Variants in FCHO1 observed in about 807,000 individuals in gnomAD.
FCHO1 encodes the protein F-BAR domain only protein 1.
In FCHO1, 45 loss-of-function variants were observed where a neutral mutation model predicts 114.4. The observed-to-expected ratio is 0.39, with a 90% CI of 0.31 to 0.50. The LOEUF is 0.50. FCHO1 is among the 20% of genes least tolerant of loss of function. The pLI is 0.77. For missense variants in FCHO1, 1,042 were observed against 1,209.6 expected (o/e 0.86, Z 2.06); for synonymous variants, 480 against 488.9 (o/e 0.98, Z 0.24).
chr19:17,769,580 AACAC>A (rs71162199), intron 7 of FCHO1, among the ~76,000 whole-genome samples: 6,048 of 143,900 alleles, frequency 0.042, 241 homozygotes, highest in East Asian at 0.25. Flanking sequence ...CTTCGTCTCA[AACAC>A]ACACACACAC....
At chr19:17,759,423 A>G (rs1347957011) in intron 4 of FCHO1, among the ~76,000 whole-genome samples, 2 of 150,394 alleles carry the variant, frequency 1.3e-5, no homozygotes, top group East Asian at 4.0e-4. Context: ...GGGTTTCACC[A>G]TGTTGGCCAG....
intron 10 of FCHO1, 42 bp downstream of exon 10, chr19:17,772,597 T>TG: frequency 6.2e-7 from 1 of 1,613,492 alleles, no homozygotes; most frequent in Non-Finnish European, 8.5e-7. Context: ...GGGTCACTGC[T>TG]GGGCAAAGGG....
At chr19:17,758,755 T>C (rs1031507186) in intron 4 of FCHO1, 2 of 152,208 alleles carry the variant, frequency 1.3e-5, no homozygotes, top group African/African-American at 4.8e-5. Context: ...GGAGGATTGC[T>C]TGAGTCCAGG....
At chr19:17,787,544 C>A in intron 27 of FCHO1, 138 bp from the exon 28 acceptor site, 3 of 942,122 alleles carry the variant, frequency 3.2e-6, no homozygotes, top group Non-Finnish European at 4.6e-6. Context: ...GAGACAGATG[C>A]AGGGGATCAA....
At position 17,778,638 on chromosome 19, in the gene FCHO1, C is replaced by T; in HGVS notation, c.1381C>T (p.Pro461Ser). 1 of 1,577,692 alleles carries T rather than the reference C, an allele frequency of 6.3e-7. No homozygotes were observed. The highest frequency in any genetic ancestry group is 8.6e-7 in the Non-Finnish European group (1 of 1,164,952). The part of the protein sequence containing the change: ...GSSSLGFTSS[P>S]SPFSSSSPEN... ...TAGCAGCCTGGGCTTCACCTCCAGC[C>T]CCTCCCCTTTCTCCTCCTCGTCGCC... Residue 461 changes from proline (P) to serine (S), a missense_variant, in exon 20 of 29, where the codon CCC becomes TCC. Physicochemically the swap from Pro to Ser is moderately conservative, Grantham distance 74 (BLOSUM62 -1). Transcript: ENST00000596536.
rs912345170 is a variant in FCHO1, at chr19:17,788,476, C to G, written c.*170C>G. ...CTGAGCCCGAGATTCGCTCCTCCCC[C>G]TCATGCCAACCCCACACAGGTCCCG... On this transcript the variant is annotated 3_prime_UTR_variant, in exon 29 of 29. Transcript: ENST00000596536. The G allele has an allele frequency of 3.4e-6, 2 of 590,482 alleles. No homozygotes were observed. Among genetic ancestry groups the G allele is most frequent in the African/African-American group, 3.8e-5 (2 of 52,556 alleles). The allele number at this position is 590,482 out of a possible 1,614,324, so 36.6% of individuals were successfully genotyped here. A position where few individuals can be genotyped will look rare whatever the true frequency, so the allele number is the denominator to read the frequency against.
chr19:17,784,981 C>A lies in FCHO1; in HGVS notation c.2426+57C>A, dbSNP rs77890118. On this transcript the variant is annotated intron_variant, in intron 26 of 28. Transcript: ENST00000596536. This position sits in a 1 kb window ranked among gnomAD's most constrained non-coding sequence, Gnocchi z 5.3. ...AGCAGTTTCCCCCATAACCCCAGAC[C>A]TTCTCCCTGATGCATTGATTAAAGG... 4,302 of 1,552,658 alleles carry A rather than the reference C, an allele frequency of 2.8e-3. 113 individuals carry two copies. The African/African-American group carries it at 0.052, about 19-fold the overall frequency.
At chr19:17,759,665 G>C (rs2085289129) in intron 4 of FCHO1, among the ~76,000 whole-genome samples, 1 of 152,016 alleles carries the variant, frequency 6.6e-6, no homozygotes, top group South Asian at 2.1e-4. Flanking sequence ...GGGCGTGGTG[G>C]TTCACGCCTG....
chr19:17,781,365 G>T (rs2093392964), intron 21 of FCHO1, 22 bp downstream of exon 21: 2 of 1,610,414 alleles, frequency 1.2e-6, no homozygotes, highest in Non-Finnish European at 1.7e-6. Flanking sequence ...GGCGTGGCAG[G>T]AGCTGGACTG....
intron 4 of FCHO1, among the ~76,000 whole-genome samples, chr19:17,757,617 CAAG>C (rs1217994163): frequency 6.6e-6 from 1 of 152,116 alleles, no homozygotes; most frequent in Non-Finnish European, 1.5e-5. Context: ...ATTCCAAACA[CAAG>C]AAGAGAAAAT....
At chr19:17,773,386 T>C (rs1033410578) in intron 11 of FCHO1, among the ~76,000 whole-genome samples, 1 of 152,196 alleles carries the variant, frequency 6.6e-6, no homozygotes, top group Non-Finnish European at 1.5e-5. Flanking sequence ...TAAATGCTGG[T>C]ATACAGTTAC....
chr19:17,772,546 G>C lies in FCHO1; in HGVS notation c.684G>C (p.Gln228His), dbSNP rs768844335. Residue 228 changes from glutamine (Q) to histidine (H), a missense_variant, in exon 10 of 29, where the codon CAG (glutamine) becomes CAC (histidine). Transcript: ENST00000596536. ...YAHSVEDTHV[Q>H]IGQVHEEFKQ... Reference sequence around the variant, plus strand: ...ACTCGGTGGAGGACACGCACGTGCAGATTGGGCAGGTGAGTTGGGCAGGTG... The same window carrying C: ...ACTCGGTGGAGGACACGCACGTGCACATTGGGCAGGTGAGTTGGGCAGGTG... 1.2e-6 allele frequency: 2 copies of C among 1,614,052 alleles called. No individual in the cohort carries two copies. The highest frequency in any genetic ancestry group is 1.7e-6 in the Non-Finnish European group (2 of 1,180,012).
intron 7 of FCHO1, among the ~76,000 whole-genome samples, chr19:17,768,073 G>A (rs2090031982): frequency 6.6e-6 from 1 of 151,990 alleles, no homozygotes; most frequent in Non-Finnish European, 1.5e-5. Context: ...GTTTTGTTTT[G>A]TTTTGTTTTT....
chr19:17,770,863 T>C lies in FCHO1; in HGVS notation c.561T>C (p.Ala187=). The C allele has an allele frequency of 6.2e-7, 1 of 1,614,128 alleles. No homozygotes were observed. Among genetic ancestry groups the C allele is most frequent in the East Asian group, 2.2e-5 (1 of 44,880 alleles). Residue 187 remains alanine, a synonymous_variant, in exon 9 of 29, where the codon GCT becomes GCC. Coordinates refer to ENST00000596536, the MANE Select transcript of FCHO1 (RefSeq NM_015122.3). ...TGGAAAAATACAACTCAGCCCGAGC[T>C]GACTTTGAGCAGAAGATGCTGGACT... ...RSVEKYNSAR[A]DFEQKMLDSA...
intron 7 of FCHO1, among the ~76,000 whole-genome samples, chr19:17,769,303 A>G (rs1306555641): frequency 1.5e-5 from 2 of 136,536 alleles, no homozygotes; most frequent in African/African-American, 5.4e-5. Context: ...AAGGCCTGGC[A>G]CGGTGGCTCA....
rs2091196149 is a variant in FCHO1 at position 17,770,578 on chromosome 19, G to A, written c.489+1G>A. ...TACCAGCCAGAAGGAGATGGACAAG[G>A]TGGGCTCACAGTGGGGGGGTTCTGA... is the stretch of plus-strand genomic sequence containing the variant. On this transcript the variant is annotated splice_donor_variant, in intron 8 of 28. Coordinates refer to ENST00000596536, the MANE Select transcript of FCHO1 (RefSeq NM_015122.3). LOFTEE classifies it high-confidence loss of function. 2.5e-6 allele frequency: 4 copies of A among 1,610,504 alleles called. No individual in the cohort carries two copies. Among genetic ancestry groups the A allele is most frequent in the Non-Finnish European group, 3.4e-6 (4 of 1,177,758 alleles).
chr19:17,777,349 C>T (rs1316557840), intron 18 of FCHO1, among the ~76,000 whole-genome samples: 2 of 151,552 alleles, frequency 1.3e-5, no homozygotes, highest in Non-Finnish European at 2.9e-5. Context: ...CCAGCCTGAC[C>T]AACATAAAGA....
At position 17,778,149 on chromosome 19, in the gene FCHO1, A is replaced by G; in HGVS notation, c.1272A>G (p.Arg424=). The G allele has an allele frequency of 9.9e-6, 16 of 1,613,722 alleles. No homozygotes were observed. Among genetic ancestry groups the G allele is most frequent in the Non-Finnish European group, 1.4e-5 (16 of 1,179,804 alleles). ...SAPRTSSCAE[R]LQSEEQVSKN... is the part of the protein sequence containing the mutation. The stretch of plus-strand genomic sequence containing the variant: ...TCACCCTCTCTAGCTGTGCAGAGAG[A>G]TTGCAGTCAGAGGAGCAGGTGTCCA... The change falls in exon 19 of 29, where the codon AGA becomes AGG. Residue 424 remains arginine (R), a synonymous_variant. Coordinates refer to ENST00000596536, the MANE Select transcript of FCHO1 (RefSeq NM_015122.3).
intron 20 of FCHO1, 131 bp downstream of exon 20, chr19:17,779,015 T>A: frequency 1.0e-6 from 1 of 980,158 alleles, no homozygotes; most frequent in East Asian, 2.8e-5. Flanking sequence ...CTCCCACCGT[T>A]GCAGGGACAA....
Sources: allele counts gnomAD v4.1 joint callset (sites outside exome capture counted in the v4.1 genomes callset), GRCh38; gene constraint gnomAD v4.1.1; non-coding constraint Gnocchi (gnomAD v3.1); transcripts MANE v1.5; gene names NCBI Gene and HGNC (gene_info 2026-07-23, HGNC 2026-07-21).